Variants in STXBP5L observed in about 807,000 individuals in gnomAD.
The protein encoded by STXBP5L is syntaxin-binding protein 5-like.
In STXBP5L, 65 loss-of-function variants were observed where a neutral mutation model predicts 144.5. That is an observed-to-expected ratio of 0.45 (90% CI 0.37 to 0.55). The LOEUF is 0.55. Ranked by LOEUF, STXBP5L falls within the 20% of genes least tolerant of loss-of-function variation. The pLI is 0.00. For synonymous variants in STXBP5L, 505 were observed against 469.6 expected, an observed-to-expected ratio of 1.08 and a Z score of -0.97; for missense variants, 1,298 against 1,405.5, an observed-to-expected ratio of 0.92 and a Z score of 1.22.
intron 3 of STXBP5L, among the ~76,000 whole-genome samples, chr3:120,966,327 C>T (rs371105906): frequency 2.0e-5 from 3 of 152,166 alleles, no homozygotes; most frequent in African/African-American, 7.2e-5. Flanking sequence ...CCGTTGCTGG[C>T]GAGGAGCTGT....
chr3:121,205,582 G>T (rs907321089), intron 9 of STXBP5L, among the ~76,000 whole-genome samples: 28 of 152,280 alleles, frequency 1.8e-4, no homozygotes, highest in African/African-American at 6.7e-4. Flanking sequence ...AAGTATGTAT[G>T]TGTGGTCTTC....
intron 22 of STXBP5L, 82 bp from the exon 23 acceptor site, chr3:121,407,161 T>C (rs1363522574): frequency 8.8e-6 from 13 of 1,478,094 alleles, no homozygotes; most frequent in Middle Eastern, 1.8e-4. Context: ...TAGGTATAAA[T>C]TATCACAATG....
At chr3:121,052,128 T>G (rs773952710) in intron 5 of STXBP5L, among the ~76,000 whole-genome samples, 21 of 152,180 alleles carry the variant, frequency 1.4e-4, no homozygotes, top group Non-Finnish European at 4.4e-5. Flanking sequence ...CCAGATGGAT[T>G]CACAACCGAA....
intron 6 of STXBP5L, among the ~76,000 whole-genome samples, chr3:121,118,373 T>C: frequency 6.6e-6 from 1 of 151,678 alleles, no homozygotes; most frequent in Non-Finnish European, 1.5e-5. Flanking sequence ...ACAAGAACAT[T>C]CCGGGCAGAG....
intron 14 of STXBP5L, among the ~76,000 whole-genome samples, chr3:121,247,459 A>C (rs1376210752): frequency 6.6e-6 from 1 of 152,200 alleles, no homozygotes. Context: ...TTTTCAATCC[A>C]AATCCCTCGC....
intron 19 of STXBP5L, among the ~76,000 whole-genome samples, chr3:121,302,507 C>T (rs868039881): frequency 6.6e-6 from 1 of 152,052 alleles, no homozygotes; most frequent in Non-Finnish European, 1.5e-5. Context: ...CTTGGATTCA[C>T]TGATTTTTTG....
chr3:121,093,218 T>C (rs893998634), intron 5 of STXBP5L, among the ~76,000 whole-genome samples: 2 of 152,206 alleles, frequency 1.3e-5, no homozygotes, highest in Non-Finnish European at 2.9e-5. Context: ...ATCAAGGACA[T>C]TGGTCTAAAA....
chr3:121,269,544 T>C (rs752176871), intron 18 of STXBP5L, among the ~76,000 whole-genome samples: 1 of 152,166 alleles, frequency 6.6e-6, no homozygotes, highest in Non-Finnish European at 1.5e-5. Context: ...ATCAGTTCTC[T>C]GAGCCCACAG....
chr3:121,023,829 C>T (rs1576690602), intron 3 of STXBP5L, among the ~76,000 whole-genome samples: 2 of 152,274 alleles, frequency 1.3e-5, no homozygotes, highest in South Asian at 2.1e-4. Flanking sequence ...AATCTTGGCT[C>T]ACTGCAAGCT....
At chr3:121,077,259 G>A (rs541137643) in intron 5 of STXBP5L, among the ~76,000 whole-genome samples, 66 of 152,228 alleles carry the variant, frequency 4.3e-4, no homozygotes, top group Admixed American at 1.2e-3. Flanking sequence ...GAAATGTTAC[G>A]GGGCAATCAA....
At chr3:121,142,253 A>G (rs1372875383) in intron 7 of STXBP5L, among the ~76,000 whole-genome samples, 2 of 152,016 alleles carry the variant, frequency 1.3e-5, no homozygotes, top group African/African-American at 4.8e-5. Flanking sequence ...GCACCTAAAT[A>G]TATAAGGCAA....
intron 2 of STXBP5L, among the ~76,000 whole-genome samples, chr3:120,919,944 TCTA>T (rs1709282336): frequency 6.6e-6 from 1 of 151,800 alleles, no homozygotes; most frequent in African/African-American, 2.4e-5. Context: ...TCCTTGTATT[TCTA>T]CTATTTTTGA....
intron 20 of STXBP5L, among the ~76,000 whole-genome samples, chr3:121,341,732 G>A (rs1001603761): frequency 2.8e-4 from 42 of 152,078 alleles, no homozygotes; most frequent in African/African-American, 9.7e-4. Context: ...GGAACTGGGG[G>A]TAATTATGTT....
rs192331022 is a variant in STXBP5L, at chr3:121,190,030, A to G, written c.878-15893A>G. Among the ~76,000 whole-genome samples, 15 of 151,940 alleles carry G rather than the reference A, an allele frequency of 9.9e-5. No individual in the cohort carries two copies. In the East Asian group the frequency reaches 2.7e-3, roughly 27 times the overall value. On this transcript the variant is annotated intron_variant, in intron 9 of 26. Transcript: ENST00000471454. ...TAATTGGGGAAAACTGTCCATTTTAATAAGCTTTGGTTTTTTGTCCCTTTT... is the reference window on the plus strand; with the variant it reads ...TAATTGGGGAAAACTGTCCATTTTAGTAAGCTTTGGTTTTTTGTCCCTTTT...
intron 20 of STXBP5L, among the ~76,000 whole-genome samples, chr3:121,374,764 G>A (rs1015467969): frequency 1.3e-5 from 2 of 151,870 alleles, no homozygotes; most frequent in Non-Finnish European, 2.9e-5. Context: ...ATCAGACAAA[G>A]GTGGTATGGG....
At chr3:121,127,740 A>G (rs2044778071) in intron 7 of STXBP5L, among the ~76,000 whole-genome samples, 1 of 151,942 alleles carries the variant, frequency 6.6e-6, no homozygotes, top group South Asian at 2.1e-4. Flanking sequence ...GCACTATTCA[A>G]CCATTAACCT....
chr3:121,399,328 C>T (rs2046813855), intron 22 of STXBP5L, among the ~76,000 whole-genome samples: 1 of 152,198 alleles, frequency 6.6e-6, no homozygotes, highest in Non-Finnish European at 1.5e-5. Context: ...GCTCCAGTGA[C>T]CCTTCAACCT....
intron 3 of STXBP5L, among the ~76,000 whole-genome samples, chr3:120,968,187 T>C (rs375553259): frequency 2.6e-5 from 4 of 152,330 alleles, no homozygotes; most frequent in African/African-American, 9.6e-5. Context: ...TGTCTAATGC[T>C]GAACATGGAG....
At chr3:121,195,033 G>A (rs909260982) in intron 9 of STXBP5L, among the ~76,000 whole-genome samples, 6 of 148,224 alleles carry the variant, frequency 4.0e-5, no homozygotes, top group South Asian at 2.1e-4. Flanking sequence ...CTTCAGCCTC[G>A]GCCTCCCGAG....
Sources: gnomAD v4.1 joint callset for allele counts (sites outside exome capture counted in the v4.1 genomes callset) on GRCh38, gnomAD v4.1.1 for gene constraint, MANE v1.5 for transcripts, NCBI Gene and HGNC (gene_info 2026-07-23, HGNC 2026-07-21) for gene names.